Variants in RPS6KA2 observed in about 807,000 individuals in gnomAD.
RPS6KA2 encodes ribosomal protein S6 kinase alpha-2.
Under a neutral mutation model 91.8 loss-of-function variants are expected in RPS6KA2, and 42 were observed. The observed-to-expected ratio is 0.46, with a 90% CI of 0.36 to 0.59. RPS6KA2 has a LOEUF of 0.59. Among genes scored for constraint, RPS6KA2 ranks in the 20% least tolerant of loss-of-function variants. The pLI is 0.00. For missense variants in RPS6KA2, 798 were observed against 978.5 expected (o/e 0.82, Z 2.46); for synonymous variants, 414 against 393.6 (o/e 1.05, Z -0.61).
chr6:166,634,460 G>A lies in RPS6KA2; in HGVS notation c.124-95676C>T, dbSNP rs565824189. ...CCACCTCGAAATCAAAATCGAAATC[G>A]AAATCGCTGAGCTTTTACACAGTTC... On this transcript the variant is annotated intron_variant, in intron 2 of 21. Coordinates refer to the RPS6KA2 transcript ENST00000503859. Among the ~76,000 whole-genome samples the A allele has an allele frequency of 3.9e-5, 6 of 152,184 alleles. No individual in the cohort carries two copies. In the South Asian group the frequency reaches 1.2e-3, roughly 32 times the overall value.
At chr6:166,683,029 G>A (rs1248072598) in intron 2 of RPS6KA2, among the ~76,000 whole-genome samples, 2 of 152,204 alleles carry the variant, frequency 1.3e-5, no homozygotes, top group Non-Finnish European at 1.5e-5. Flanking sequence ...GCTGATGGAC[G>A]TCAGATGGGT....
rs951544634 is a variant in RPS6KA2, at chr6:166,795,293, G to A, written c.123+62907C>T. Among the ~76,000 whole-genome samples, 5 of 152,092 alleles carry A rather than the reference G, an allele frequency of 3.3e-5. No individual in the cohort carries two copies. The East Asian group carries it at 9.6e-4, about 29-fold the overall frequency. ...AATCTCAACTGTATTTCATTTTGCT[G>A]TTCTATTAAAGCTATCTTATCATTA... On this transcript the variant is annotated intron_variant, in intron 2 of 21. Coordinates refer to the RPS6KA2 transcript ENST00000503859.
intron 2 of RPS6KA2, among the ~76,000 whole-genome samples, chr6:166,708,705 C>T (rs1184043476): frequency 6.6e-6 from 1 of 152,162 alleles, no homozygotes; most frequent in Non-Finnish European, 1.5e-5. Flanking sequence ...ACCAGTAGGC[C>T]TTTACTAGTA....
chr6:166,710,560 G>T (rs1255545673), intron 2 of RPS6KA2, among the ~76,000 whole-genome samples: 1 of 151,938 alleles, frequency 6.6e-6, no homozygotes, highest in Admixed American at 6.6e-5. Flanking sequence ...TTGTGTGTCT[G>T]TGTGTGTGTC....
intron 11 of RPS6KA2, among the ~76,000 whole-genome samples, chr6:166,469,120 G>C (rs910817000): frequency 1.8e-4 from 28 of 152,214 alleles, no homozygotes; most frequent in Admixed American, 4.6e-4. Context: ...CTCCCTGTGT[G>C]GGGGACGCGT....
intron 2 of RPS6KA2, among the ~76,000 whole-genome samples, chr6:166,653,397 G>A (rs369696108): frequency 6.6e-6 from 1 of 152,200 alleles, no homozygotes; most frequent in African/African-American, 2.4e-5. Context: ...AATTCCCATC[G>A]ACTTAACTCA....
chr6:166,824,637 CTGTA>C (rs910692122), intron 2 of RPS6KA2, among the ~76,000 whole-genome samples: 2 of 91,574 alleles, frequency 2.2e-5, no homozygotes, highest in African/African-American at 6.7e-5. Flanking sequence ...ATGTGGGTGT[CTGTA>C]TGTCTGTGTG....
At position 166,412,771 on chromosome 6, in the gene RPS6KA2, C is replaced by T. The variant is rs1372830432; in HGVS notation, c.2193G>A (p.Thr731=). 6.9e-6 allele frequency: 11 copies of T among 1,598,372 alleles called. No individual in the cohort carries two copies. Among genetic ancestry groups the T allele is most frequent in the Admixed American group, 3.5e-5 (2 of 57,756 alleles). ...QRRGMKRLTS[T]RL ...GCCAGGGTCCCACCCGCTACAGCCG[C>T]GTGGACGTGAGTCTCTTCATGCCTC... is the stretch of plus-strand genomic sequence containing the variant. Residue 731 remains threonine, a synonymous_variant, in exon 21 of 21, where the codon ACG becomes ACA. Transcript: ENST00000265678. This position sits in a 1 kb window ranked among gnomAD's most constrained non-coding sequence, Gnocchi z 4.3.
intron 1 of RPS6KA2, among the ~76,000 whole-genome samples, chr6:166,577,481 C>T (rs570798718): frequency 1.0e-3 from 156 of 152,282 alleles, no homozygotes; most frequent in Non-Finnish European, 1.6e-3. Flanking sequence ...CAGCATGACC[C>T]GGAAGTGAGA....
At position 166,787,180 on chromosome 6, in the gene RPS6KA2, G is replaced by C. The variant is rs139427527; in HGVS notation, c.123+71020C>G. 9.2e-5 allele frequency among the ~76,000 whole-genome samples: 14 copies of C among 152,268 alleles called. No homozygotes were observed. The East Asian group carries it at 2.7e-3, about 29-fold the overall frequency. On this transcript the variant is annotated intron_variant, in intron 2 of 21. Coordinates refer to the RPS6KA2 transcript ENST00000503859. ...TTCTAGGAGTTTATCCAAAGATAAA[G>C]ACTGATGTATGTGGATGTTTATCAT... is the stretch of plus-strand genomic sequence containing the variant.
chr6:166,754,942 G>A lies in RPS6KA2; in HGVS notation c.123+103258C>T, dbSNP rs574414821. Among the ~76,000 whole-genome samples, 21 of 152,156 alleles carry A rather than the reference G, an allele frequency of 1.4e-4. No individual in the cohort carries two copies. The East Asian group carries it at 3.3e-3, about 24-fold the overall frequency. ...ACTTGGGTCAGGAATCTCAACTCTC[G>A]GCCTCAGCCTCCTCATGTGTGCAAT... On this transcript the variant is annotated intron_variant, in intron 2 of 21. Transcript: ENST00000503859.
intron 2 of RPS6KA2, among the ~76,000 whole-genome samples, chr6:166,829,132 G>A (rs1334423875): frequency 6.6e-6 from 1 of 152,146 alleles, no homozygotes; most frequent in African/African-American, 2.4e-5. Context: ...TAAAGCCACA[G>A]TAAGGCACCA....
Position 166,748,528 on chromosome 6 carries a change from TCCTCGGGCCCCCCATCC to T in RPS6KA2, c.123+109655_123+109671del, listed in dbSNP as rs1562415904. 1.2e-4 allele frequency among the ~76,000 whole-genome samples: 17 copies of T among 147,202 alleles called. No homozygotes were observed. The East Asian group carries it at 3.6e-3, about 31-fold the overall frequency. ...GATCAGCCTCCATGGGGGCCCCACC[TCCTCGGGCCCCCCATCC>T]CCTTGGGCCCCCACCTCCTCAGGCC... On this transcript the variant is annotated intron_variant, in intron 2 of 21. Coordinates refer to the RPS6KA2 transcript ENST00000503859.
At chr6:166,529,014 G>A (rs1265742103) in intron 3 of RPS6KA2, among the ~76,000 whole-genome samples, 71 of 152,318 alleles carry the variant, frequency 4.7e-4, no homozygotes, top group African/African-American at 1.2e-3. Flanking sequence ...ACAGTGTGGC[G>A]ATTCCTCAAG....
At chr6:166,769,088 C>T (rs1430616563) in intron 2 of RPS6KA2, among the ~76,000 whole-genome samples, 1 of 152,188 alleles carries the variant, frequency 6.6e-6, no homozygotes. Context: ...AGGGCACCCA[C>T]ACCCTACCCT....
chr6:166,581,403 GTGCTTTGC>G (rs1190008503), intron 1 of RPS6KA2, among the ~76,000 whole-genome samples: 7 of 152,142 alleles, frequency 4.6e-5, no homozygotes, highest in Admixed American at 4.6e-4. Context: ...GCAGGTCAAA[GTGCTTTGC>G]TTCTCAGGGA....
chr6:166,600,201 A>G (rs1785684488), intron 1 of RPS6KA2, among the ~76,000 whole-genome samples: 1 of 152,148 alleles, frequency 6.6e-6, no homozygotes, highest in Non-Finnish European at 1.5e-5. Context: ...AGTACAGACA[A>G]GGTCTCACTA....
At chr6:166,702,205 T>C in intron 2 of RPS6KA2, 1 of 1,608,556 alleles carries the variant, frequency 6.2e-7, no homozygotes, top group Non-Finnish European at 8.5e-7. Context: ...CTATAATGGC[T>C]CCAACAAATT....
chr6:166,645,356 G>A (rs1310365979), intron 2 of RPS6KA2, among the ~76,000 whole-genome samples: 2 of 152,214 alleles, frequency 1.3e-5, no homozygotes, highest in East Asian at 1.9e-4. Flanking sequence ...TGTGGGGGAA[G>A]CTGTTTAAGT....
Sources: allele counts gnomAD v4.1 joint callset (sites outside exome capture counted in the v4.1 genomes callset), GRCh38; gene constraint gnomAD v4.1.1; non-coding constraint Gnocchi (gnomAD v3.1); transcripts MANE v1.5; gene names NCBI Gene and HGNC (gene_info 2026-07-23, HGNC 2026-07-21).